Variants in PPP2R5E observed in about 807,000 individuals in gnomAD.
PPP2R5E encodes protein phosphatase 2 regulatory subunit B'epsilon.
PPP2R5E carries 4 observed loss-of-function variants against 65.3 expected under a neutral mutation model. The observed-to-expected ratio is 0.06, with a 90% CI of 0.03 to 0.14. The LOEUF is 0.14. Among genes scored for constraint, PPP2R5E ranks in the 10% least tolerant of loss-of-function variants. The pLI is 1.00. For synonymous variants in PPP2R5E, 183 were observed against 187.4 expected (o/e 0.98, Z 0.19); for missense variants, 274 against 556.1 (o/e 0.49, Z 5.10).
At chr14:63,492,319 T>A (rs1891322080) in intron 2 of PPP2R5E, among the ~76,000 whole-genome samples, 1 of 152,136 alleles carries the variant, frequency 6.6e-6, no homozygotes, top group East Asian at 1.9e-4. Context: ...TGAGACTTTC[T>A]GCACCAAGCA....
At position 63,374,634 on chromosome 14, in the gene PPP2R5E, G is replaced by GATTATATATATATATATATAT. The variant is rs1555353678; in HGVS notation, c.*1374_*1375insATATATATATATATATATAAT. 242 of 109,494 alleles carry GATTATATATATATATATATAT rather than the reference G, an allele frequency of 2.2e-3. 11 individuals are homozygous for GATTATATATATATATATATAT. Among genetic ancestry groups the GATTATATATATATATATATAT allele is most frequent in the African/African-American group, 0.011 (224 of 20,602 alleles). 6.8% of individuals were successfully genotyped at this position (109,494 alleles called of 1,614,324 possible). On this transcript the variant is annotated 3_prime_UTR_variant, in exon 14 of 14. Coordinates refer to ENST00000337537, the MANE Select transcript of PPP2R5E (RefSeq NM_006246.5). ...TAAATACAAAGCAGAGAGCCAATAAGATATATATATATATATATATATATA... is the reference window on the plus strand; with the variant it reads ...TAAATACAAAGCAGAGAGCCAATAAGATTATATATATATATATATATATATATATATATATATATATATATA...
intron 3 of PPP2R5E, among the ~76,000 whole-genome samples, chr14:63,433,032 GTTTTTTTTTTT>G (rs747571866): frequency 1.0e-5 from 1 of 96,464 alleles, no homozygotes; most frequent in East Asian, 3.2e-4. Flanking sequence ...GTTTTGTTTT[GTTTTTTTTTTT>G]TTTTTTTTTT....
chr14:63,424,567 C>T (rs573321326), intron 3 of PPP2R5E, among the ~76,000 whole-genome samples: 5 of 152,060 alleles, frequency 3.3e-5, no homozygotes, highest in Admixed American at 2.0e-4. Flanking sequence ...CTGGCTAACA[C>T]GGTGAAACCC....
intron 2 of PPP2R5E, among the ~76,000 whole-genome samples, chr14:63,532,218 C>T (rs1893465238): frequency 6.6e-6 from 1 of 152,128 alleles, no homozygotes; most frequent in Non-Finnish European, 1.5e-5. Context: ...TGACTGGTTG[C>T]TTCTGGGAAG....
At chr14:63,441,488 T>C (rs1190366243) in intron 3 of PPP2R5E, among the ~76,000 whole-genome samples, 1 of 152,258 alleles carries the variant, frequency 6.6e-6, no homozygotes, top group African/African-American at 2.4e-5. Flanking sequence ...TCCAATCTTG[T>C]ACTCTCCAAG....
chr14:63,400,710 G>C (rs1383574401), intron 5 of PPP2R5E, among the ~76,000 whole-genome samples: 1 of 9,538 alleles, frequency 1.0e-4, no homozygotes, highest in African/African-American at 3.0e-4. Context: ...AAAAAAAAAA[G>C]GCCCCATATA....
At chr14:63,515,792 T>C (rs965103668) in intron 2 of PPP2R5E, among the ~76,000 whole-genome samples, 1 of 151,990 alleles carries the variant, frequency 6.6e-6, no homozygotes, top group African/African-American at 2.4e-5. Context: ...GTGCTGGGAT[T>C]ACAGGTGTGA....
At chr14:63,447,340 A>C (rs1888536205) in intron 3 of PPP2R5E, among the ~76,000 whole-genome samples, 1 of 152,242 alleles carries the variant, frequency 6.6e-6, no homozygotes, top group African/African-American at 2.4e-5. Context: ...CGGCAGCTTT[A>C]GCTTCTACAA....
intron 3 of PPP2R5E, among the ~76,000 whole-genome samples, chr14:63,434,362 T>C (rs1043788797): frequency 1.3e-5 from 2 of 152,174 alleles, no homozygotes; most frequent in Non-Finnish European, 2.9e-5. Context: ...GGTCTTAGTA[T>C]AAAATAAAAT....
At chr14:63,533,183 T>C (rs1191908043) in intron 2 of PPP2R5E, among the ~76,000 whole-genome samples, 1 of 152,162 alleles carries the variant, frequency 6.6e-6, no homozygotes, top group Non-Finnish European at 1.5e-5. Flanking sequence ...GCACATTCAC[T>C]CGTTATAAAA....
chr14:63,500,183 CTA>C (rs1891793781), intron 2 of PPP2R5E, among the ~76,000 whole-genome samples: 1 of 152,156 alleles, frequency 6.6e-6, no homozygotes, highest in South Asian at 2.1e-4. Context: ...TATTGAAAGT[CTA>C]TGAGAAATAA....
intron 2 of PPP2R5E, among the ~76,000 whole-genome samples, chr14:63,534,618 G>GA (rs1324326785): frequency 5.9e-5 from 9 of 152,020 alleles, no homozygotes; most frequent in African/African-American, 1.7e-4. Context: ...TAGACTCAAA[G>GA]AAAAAAATGT....
intron 2 of PPP2R5E, among the ~76,000 whole-genome samples, chr14:63,531,956 A>AACAC (rs150782373): frequency 0.035 from 5,272 of 150,954 alleles, 301 homozygotes; most frequent in African/African-American, 0.11. Flanking sequence ...TCCATCTCAA[A>AACAC]ACACACACAC....
intron 4 of PPP2R5E, among the ~76,000 whole-genome samples, chr14:63,421,008 C>G (rs1308081893): frequency 1.1e-5 from 1 of 91,172 alleles, no homozygotes; most frequent in Non-Finnish European, 2.0e-5. Flanking sequence ...AGCCGAGATC[C>G]CGCCACTGCA....
Position 63,519,491 on chromosome 14 carries a change from C to G in PPP2R5E, c.157+20038G>C, listed in dbSNP as rs946819065. Among the ~76,000 whole-genome samples the G allele has an allele frequency of 5.3e-5, 8 of 150,170 alleles. No individual in the cohort carries two copies. The South Asian group carries it at 1.3e-3, about 24-fold the overall frequency. ...GAGTAGCTGCGATTACAGGCACACA[C>G]CACCATGCCCAGCTAATTTTTTTTT... is the stretch of plus-strand genomic sequence containing the variant. On this transcript the variant is annotated intron_variant, in intron 2 of 13. Transcript: ENST00000337537.
At chr14:63,523,419 G>A (rs970709296) in intron 2 of PPP2R5E, among the ~76,000 whole-genome samples, 1 of 152,108 alleles carries the variant, frequency 6.6e-6, no homozygotes, top group African/African-American at 2.4e-5. Context: ...CCCCAACCCT[G>A]TGCTCTCTGA....
Position 63,392,092 on chromosome 14 carries a change from T to C in PPP2R5E, c.850-67A>G, listed in dbSNP as rs1885055773. The C allele has an allele frequency of 7.2e-6, 9 of 1,246,404 alleles. No individual in the cohort carries two copies. The South Asian group carries it at 8.6e-5, about 12-fold the overall frequency. 77.2% of individuals were successfully genotyped at this position (1,246,404 alleles called of 1,614,324 possible). On this transcript the variant is annotated intron_variant, in intron 8 of 13. Transcript: ENST00000337537. ...TACAGTAAGGGCTCAAAAGATACAC[T>C]ATTAAAACTTCCTAAAAGGTTTCCA...
At chr14:63,391,712 T>G (rs1033685123) in intron 10 of PPP2R5E, 105 bp downstream of exon 10, 23 of 1,276,202 alleles carry the variant, frequency 1.8e-5, no homozygotes, top group Middle Eastern at 2.1e-4. Context: ...CATGAGCCAC[T>G]GCGCCCAGCC....
chr14:63,394,948 T>C (rs746098679), intron 7 of PPP2R5E, among the ~76,000 whole-genome samples: 5 of 152,234 alleles, frequency 3.3e-5, no homozygotes, highest in Non-Finnish European at 5.9e-5. Flanking sequence ...TTGGAGTAAC[T>C]AGCCTGACCA....
Sources: gnomAD v4.1 joint callset for allele counts (sites outside exome capture counted in the v4.1 genomes callset) on GRCh38, gnomAD v4.1.1 for gene constraint, MANE v1.5 for transcripts, NCBI Gene and HGNC (gene_info 2026-07-23, HGNC 2026-07-21) for gene names.